Variants in FOXN3 observed in about 807,000 individuals in gnomAD.
The protein encoded by FOXN3 is forkhead box protein N3.
Under a neutral mutation model 38.4 loss-of-function variants are expected in FOXN3, and 7 were observed. The observed-to-expected ratio is 0.18, with a 90% CI of 0.10 to 0.34. FOXN3 has a LOEUF of 0.34. Ranked by LOEUF, FOXN3 falls within the 10% of genes least tolerant of loss-of-function variation. FOXN3 has a pLI of 1.00. For synonymous variants in FOXN3, 230 were observed against 242.2 expected (o/e 0.95, Z 0.47); for missense variants, 456 against 613.4 (o/e 0.74, Z 2.71).
chr14:89,415,437 G>A (rs1014982284), intron 1 of FOXN3, among the ~76,000 whole-genome samples: 3 of 151,954 alleles, frequency 2.0e-5, no homozygotes, highest in African/African-American at 7.3e-5. Flanking sequence ...CACGAAGAGA[G>A]GGTTATGGGA....
chr14:89,185,959 T>G (rs1337429343), intron 4 of FOXN3: 1 of 152,364 alleles, frequency 6.6e-6, no homozygotes, highest in African/African-American at 2.4e-5. Context: ...GACAAACTCC[T>G]CCACGCTACA....
intron 1 of FOXN3, among the ~76,000 whole-genome samples, chr14:89,564,891 G>A (rs55886240): frequency 0.01 from 1,525 of 151,900 alleles, 29 homozygotes; most frequent in African/African-American, 0.035. Context: ...TCAGGAGTTC[G>A]AGACCAGCCT....
At chr14:89,230,941 A>T (rs1884788537) in intron 4 of FOXN3, 1 of 452,964 alleles carries the variant, frequency 2.2e-6, no homozygotes. Flanking sequence ...CAACCCTGTG[A>T]TAAATCCCCC....
At chr14:89,603,676 G>A (rs993326335) in intron 1 of FOXN3, among the ~76,000 whole-genome samples, 7 of 152,120 alleles carry the variant, frequency 4.6e-5, no homozygotes, top group Admixed American at 1.3e-4. Flanking sequence ...AAAAATGCTG[G>A]ACAAAATATT....
chr14:89,206,807 AAG>A (rs1315081913), intron 4 of FOXN3, among the ~76,000 whole-genome samples: 2 of 152,178 alleles, frequency 1.3e-5, no homozygotes, highest in Non-Finnish European at 2.9e-5. Flanking sequence ...TTCTTCTAGA[AAG>A]AGTTTCGACT....
At chr14:89,248,642 T>C (rs1320922583) in intron 4 of FOXN3, among the ~76,000 whole-genome samples, 8 of 152,248 alleles carry the variant, frequency 5.3e-5, no homozygotes, top group Non-Finnish European at 8.8e-5. Context: ...AGTGGAAAAC[T>C]GCCTGCTTTC....
chr14:89,498,210 C>CT (rs547081117), intron 1 of FOXN3, among the ~76,000 whole-genome samples: 2,679 of 80,902 alleles, frequency 0.033, 250 homozygotes, highest in African/African-American at 0.062. Flanking sequence ...CTCTCTCTCT[C>CT]TTTTTTTTTT....
intron 1 of FOXN3, among the ~76,000 whole-genome samples, chr14:89,537,059 G>A (rs1894704628): frequency 6.6e-6 from 1 of 152,198 alleles, no homozygotes. Context: ...TCTCCTCTGG[G>A]ATGCCATTCT....
chr14:89,232,582 G>A (rs150990740), intron 4 of FOXN3, among the ~76,000 whole-genome samples: 206 of 152,310 alleles, frequency 1.4e-3, no homozygotes, highest in African/African-American at 4.5e-3. Context: ...AACATGAGCA[G>A]CCCAGAGTTG....
intron 4 of FOXN3, among the ~76,000 whole-genome samples, chr14:89,181,385 A>T (rs1396919234): frequency 1.3e-5 from 2 of 152,188 alleles, no homozygotes; most frequent in African/African-American, 4.8e-5. Context: ...AGCTCAGAAC[A>T]TCTTTCCATT....
chr14:89,455,124 T>C (rs1301570656), intron 1 of FOXN3, among the ~76,000 whole-genome samples: 1 of 152,218 alleles, frequency 6.6e-6, no homozygotes, highest in Non-Finnish European at 1.5e-5. Flanking sequence ...CGCATTCCAG[T>C]TTCCTCATCA....
chr14:89,528,046 C>T (rs1281079574), intron 1 of FOXN3, among the ~76,000 whole-genome samples: 1 of 152,180 alleles, frequency 6.6e-6, no homozygotes, highest in South Asian at 2.1e-4. Flanking sequence ...GCAACTGGAA[C>T]TCTCATACCC....
At chr14:89,366,284 G>GA (rs1032653295) in intron 2 of FOXN3, among the ~76,000 whole-genome samples, 1 of 151,368 alleles carries the variant, frequency 6.6e-6, no homozygotes, top group Non-Finnish European at 1.5e-5. Flanking sequence ...CTTTATTATA[G>GA]AAAAAAACAT....
chr14:89,305,046 A>G (rs1887331686), intron 3 of FOXN3, among the ~76,000 whole-genome samples: 1 of 152,100 alleles, frequency 6.6e-6, no homozygotes, highest in Admixed American at 6.6e-5. Flanking sequence ...TTGCTTATGA[A>G]ATGAGAATTC....
chr14:89,374,176 A>C (rs900002580), intron 2 of FOXN3, among the ~76,000 whole-genome samples: 2 of 143,438 alleles, frequency 1.4e-5, no homozygotes, highest in Non-Finnish European at 3.0e-5. Flanking sequence ...AGGTGGGAGG[A>C]TCACCTGAGC....
intron 4 of FOXN3, among the ~76,000 whole-genome samples, chr14:89,220,432 C>A (rs1042063039): frequency 6.6e-5 from 10 of 152,204 alleles, no homozygotes; most frequent in Non-Finnish European, 7.3e-5. Flanking sequence ...GCTGCACCAT[C>A]TTCAGATCTA....
At chr14:89,260,044 G>C (rs923402104) in intron 4 of FOXN3, among the ~76,000 whole-genome samples, 1 of 152,178 alleles carries the variant, frequency 6.6e-6, no homozygotes, top group Non-Finnish European at 1.5e-5. Context: ...AGCAGATAGT[G>C]GAAGTCTGCA....
intron 4 of FOXN3, among the ~76,000 whole-genome samples, chr14:89,190,670 C>T (rs988469708): frequency 6.6e-6 from 1 of 152,160 alleles, no homozygotes; most frequent in African/African-American, 2.4e-5. Flanking sequence ...AATTTTTCAT[C>T]ACACAAGCAT....
chr14:89,606,103 T>G (rs969724383), intron 1 of FOXN3, among the ~76,000 whole-genome samples: 1 of 152,084 alleles, frequency 6.6e-6, no homozygotes, highest in African/African-American at 2.4e-5. Flanking sequence ...AAAATAAGAA[T>G]TAGAGGCTAT....
Sources: gnomAD v4.1 joint callset for allele counts (sites outside exome capture counted in the v4.1 genomes callset) on GRCh38, gnomAD v4.1.1 for gene constraint, MANE v1.5 for transcripts, NCBI Gene and HGNC (gene_info 2026-07-23, HGNC 2026-07-21) for gene names.